Variants in HS3ST4 observed in about 807,000 individuals in gnomAD.
HS3ST4 encodes the protein heparan sulfate-glucosamine 3-sulfotransferase 4, also known as heparan sulfate glucosamine 3-O-sulfotransferase 4.
A neutral mutation model predicts 29.2 loss-of-function variants in HS3ST4; 17 were observed. The observed-to-expected ratio is 0.58, with a 90% CI of 0.40 to 0.87. HS3ST4 has a LOEUF of 0.87. HS3ST4 is among the 40% of genes least tolerant of loss of function. The pLI, the probability that HS3ST4 is intolerant of heterozygous loss-of-function variation, is 0.00. For missense variants in HS3ST4, 627 were observed against 634.5 expected (o/e 0.99, Z 0.13); for synonymous variants, 314 against 285.7 (o/e 1.10, Z -1.00).
chr16:26,042,211 G>T (rs1238367841), intron 1 of HS3ST4, among the ~76,000 whole-genome samples: 1 of 152,300 alleles, frequency 6.6e-6, no homozygotes, highest in African/African-American at 2.4e-5. Context: ...CAGACTGAAT[G>T]TTGACAGAGA....
At chr16:25,839,684 A>G (rs78618240) in intron 1 of HS3ST4, among the ~76,000 whole-genome samples, 2,082 of 152,212 alleles carry the variant, frequency 0.014, 45 homozygotes, top group Middle Eastern at 0.082. Flanking sequence ...ATCAGTGAAT[A>G]TCGCTCTTCA....
intron 1 of HS3ST4, among the ~76,000 whole-genome samples, chr16:25,779,819 C>A (rs1966851046): frequency 6.6e-6 from 1 of 152,206 alleles, no homozygotes; most frequent in African/African-American, 2.4e-5. Flanking sequence ...ACACCCACTG[C>A]TGTTTACAAG....
chr16:25,761,507 G>A (rs964414505), intron 1 of HS3ST4, among the ~76,000 whole-genome samples: 19 of 152,336 alleles, frequency 1.2e-4, no homozygotes, highest in African/African-American at 4.1e-4. Flanking sequence ...TGATTGGCAG[G>A]TCAGCCAGGA....
At chr16:25,748,969 G>A (rs1158918314) in intron 1 of HS3ST4, among the ~76,000 whole-genome samples, 1 of 152,138 alleles carries the variant, frequency 6.6e-6, no homozygotes, top group Non-Finnish European at 1.5e-5. Flanking sequence ...TGATAGCCAG[G>A]GGATTATGAA....
At chr16:25,795,641 T>A (rs1966882423) in intron 1 of HS3ST4, among the ~76,000 whole-genome samples, 1 of 152,206 alleles carries the variant, frequency 6.6e-6, no homozygotes, top group South Asian at 2.1e-4. Context: ...AATTGGATGT[T>A]GGAGATTATG....
Position 25,889,291 on chromosome 16 carries a change from G to T in HS3ST4, c.734+196140G>T, listed in dbSNP as rs1967984274. Among the ~76,000 whole-genome samples, 4 of 152,256 alleles carry T rather than the reference G, an allele frequency of 2.6e-5. No individual in the cohort carries two copies. In the South Asian group the frequency reaches 8.3e-4, roughly 32 times the overall value. ...AGAAGGATGTGACTCTGAGCTCATC[G>T]TTTGCCTAATTGTTTCTTAGACTGG... On this transcript the variant is annotated intron_variant, in intron 1 of 1. Coordinates refer to ENST00000331351, the MANE Select transcript of HS3ST4 (RefSeq NM_006040.3).
At chr16:25,797,269 T>C (rs1966891889) in intron 1 of HS3ST4, among the ~76,000 whole-genome samples, 1 of 152,226 alleles carries the variant, frequency 6.6e-6, no homozygotes, top group Non-Finnish European at 1.5e-5. Flanking sequence ...AATATTTCTA[T>C]GTATTTATAT....
At position 25,714,328 on chromosome 16, in the gene HS3ST4, G is replaced by C. The variant is rs9922269; in HGVS notation, c.734+21177G>C. Among the ~76,000 whole-genome samples, 538 of 152,268 alleles carry C rather than the reference G, an allele frequency of 3.5e-3. 3 individuals are homozygous for C. The highest frequency in any genetic ancestry group is 0.012 in the African/African-American group (505 of 41,546). ...GAGCCGGCTGTGTCTCCTCCCCTTT[G>C]TCTGATTAATACAGTAGATTAAGAT... On this transcript the variant is annotated intron_variant, in intron 1 of 1. Coordinates refer to ENST00000331351, the MANE Select transcript of HS3ST4 (RefSeq NM_006040.3).
At chr16:25,963,352 C>A (rs569309597) in intron 1 of HS3ST4, among the ~76,000 whole-genome samples, 30 of 152,260 alleles carry the variant, frequency 2.0e-4, no homozygotes, top group African/African-American at 6.3e-4. Context: ...CCAACTTCTA[C>A]TTTTTTCATG....
chr16:25,811,519 C>T (rs998608187), intron 1 of HS3ST4, among the ~76,000 whole-genome samples: 4 of 150,342 alleles, frequency 2.7e-5, no homozygotes, highest in South Asian at 2.1e-4. Flanking sequence ...CTGCAACCTC[C>T]GCCTCCCAGG....
intron 1 of HS3ST4, among the ~76,000 whole-genome samples, chr16:25,859,200 G>A (rs911116232): frequency 6.6e-6 from 1 of 152,172 alleles, no homozygotes; most frequent in Non-Finnish European, 1.5e-5. Flanking sequence ...GAAAAGGTAT[G>A]TTTGGCAAGA....
At chr16:25,869,090 A>G (rs1251958537) in intron 1 of HS3ST4, among the ~76,000 whole-genome samples, 1 of 152,074 alleles carries the variant, frequency 6.6e-6, no homozygotes, top group Non-Finnish European at 1.5e-5. Context: ...TTACCAAAGG[A>G]TCCTGGGGTA....
chr16:25,785,708 AG>A (rs1199250250), intron 1 of HS3ST4, among the ~76,000 whole-genome samples: 1 of 152,224 alleles, frequency 6.6e-6, no homozygotes, highest in East Asian at 1.9e-4. Flanking sequence ...TCTGAGCAGA[AG>A]GAACACCATG....
intron 1 of HS3ST4, among the ~76,000 whole-genome samples, chr16:25,803,517 C>T (rs1217826696): frequency 6.6e-6 from 1 of 152,144 alleles, no homozygotes; most frequent in African/African-American, 2.4e-5. Context: ...TGTGACTTGT[C>T]TTCCCCCAAA....
chr16:25,996,133 G>T (rs1457584385), intron 1 of HS3ST4, among the ~76,000 whole-genome samples: 1 of 152,108 alleles, frequency 6.6e-6, no homozygotes, highest in Non-Finnish European at 1.5e-5. Flanking sequence ...GATAAGATTT[G>T]GGACCAAAGC....
intron 1 of HS3ST4, among the ~76,000 whole-genome samples, chr16:25,780,108 C>T (rs1443573325): frequency 6.6e-6 from 1 of 152,128 alleles, no homozygotes; most frequent in African/African-American, 2.4e-5. Context: ...CCTGGCTGCC[C>T]CTGTGAATGA....
intron 1 of HS3ST4, among the ~76,000 whole-genome samples, chr16:25,742,870 A>G (rs1220068344): frequency 6.6e-6 from 1 of 152,162 alleles, no homozygotes; most frequent in Non-Finnish European, 1.5e-5. Flanking sequence ...AGCCTTGACC[A>G]TTCTGACAAA....
intron 1 of HS3ST4, among the ~76,000 whole-genome samples, chr16:26,053,840 G>A (rs1246317192): frequency 3.3e-5 from 5 of 151,722 alleles, no homozygotes; most frequent in South Asian, 4.2e-4. Flanking sequence ...TGGTGGTTGC[G>A]GTAACATCCA....
At chr16:26,115,266 T>TACAC (rs140596443) in intron 1 of HS3ST4, among the ~76,000 whole-genome samples, 11 of 148,576 alleles carry the variant, frequency 7.4e-5, no homozygotes, top group South Asian at 2.1e-4. Flanking sequence ...TACATATATA[T>TACAC]ACACACACAC....
Sources: gnomAD v4.1 joint callset for allele counts (sites outside exome capture counted in the v4.1 genomes callset) on GRCh38, gnomAD v4.1.1 for gene constraint, MANE v1.5 for transcripts, NCBI Gene and HGNC (gene_info 2026-07-23, HGNC 2026-07-21) for gene names.